Variants in CD276 observed in about 807,000 individuals in gnomAD.
CD276 encodes the protein CD276 molecule, also known as CD276 antigen.
Under a neutral mutation model 50.0 loss-of-function variants are expected in CD276, and 34 were observed. The ratio of observed to expected loss-of-function variants is 0.68; its 90% CI spans 0.52 to 0.91. The LOEUF is 0.91. CD276 is among the 40% of genes least tolerant of loss of function. The pLI is 0.00. For missense variants in CD276, 634 were observed against 717.5 expected (o/e 0.88, Z 1.33); for synonymous variants, 275 against 313.0 (o/e 0.88, Z 1.28).
Position 73,707,432 on chromosome 15 carries a change from C to T in CD276, c.1370-907C>T, listed in dbSNP as rs79124477. 2.6e-5 allele frequency among the ~76,000 whole-genome samples: 4 copies of T among 152,198 alleles called. No homozygotes were observed. In the East Asian group the frequency reaches 5.8e-4, roughly 22 times the overall value. The stretch of plus-strand genomic sequence containing the variant: ...CTCAACTTCATCCCTCTTGACGTGA[C>T]AGCTCTAAGAGGAGGGGCCTCAGTG... On this transcript the variant is annotated intron_variant, in intron 6 of 9. Transcript: ENST00000318443.
intron 4 of CD276, 93 bp downstream of exon 4, chr15:73,703,179 C>A: frequency 7.1e-7 from 1 of 1,399,442 alleles, no homozygotes; most frequent in Non-Finnish European, 9.7e-7. Context: ...CTTCAATCTC[C>A]CAGAACAGCA....
intron 1 of CD276, among the ~76,000 whole-genome samples, chr15:73,689,230 A>G (rs928701636): frequency 3.7e-5 from 4 of 108,414 alleles, no homozygotes; most frequent in African/African-American, 1.1e-4. Context: ...GTGTGTGTGT[A>G]CACATTTCCA....
chr15:73,684,688 GC>G (rs1407099575), intron 1 of CD276: 6 of 152,194 alleles, frequency 3.9e-5, no homozygotes, highest in African/African-American at 1.4e-4. Flanking sequence ...GGGCTGTGGG[GC>G]CCGCGGAGAG....
rs769630582 is a variant in CD276 at position 73,702,590 on chromosome 15, G to A, written c.415G>A (p.Ala139Thr). The A allele has an allele frequency of 2.5e-6, 4 of 1,605,424 alleles. No homozygotes were observed. The African/African-American group carries it at 5.3e-5, about 21-fold the overall frequency. Residue 139 changes from alanine (A) to threonine (T), a missense_variant, in exon 3 of 10, where the codon GCC becomes ACC. By Grantham distance (58) the Ala-to-Thr change is moderately conservative (BLOSUM62 0). Transcript: ENST00000318443. ...CAGCGCTGCCGTCAGCCTGCAGGTG[G>A]CCGGTGAGCACCAGGAGGGGGACGC... Reference protein sequence around the residue: ...FGSAAVSLQVAAPYSKPSMTL... With the variant: ...FGSAAVSLQVTAPYSKPSMTL...
At position 73,687,288 on chromosome 15, in the gene CD276, G is replaced by C. The variant is rs1390457702; in HGVS notation, c.-55+2828G>C. ...CATGTAATCCTCATAGTAATCCTAT[G>C]AGGTAGGGTATCATTAACACCATTG... On this transcript the variant is annotated intron_variant, in intron 1 of 9. Coordinates refer to ENST00000318443, the MANE Select transcript of CD276 (RefSeq NM_001024736.2). This position sits in a 1 kb window ranked among gnomAD's most constrained non-coding sequence, Gnocchi z 4.0. 6.6e-6 allele frequency among the ~76,000 whole-genome samples: 1 copy of C among 152,112 alleles called. No homozygotes were observed. Among genetic ancestry groups the C allele is most frequent in the Admixed American group, 6.5e-5 (1 of 15,270 alleles).
intron 1 of CD276, among the ~76,000 whole-genome samples, chr15:73,686,679 G>GT (rs1899780520): frequency 6.6e-6 from 1 of 152,150 alleles, no homozygotes; most frequent in Non-Finnish European, 1.5e-5. Flanking sequence ...CAGAGATGCA[G>GT]TGTGATAAGA....
At position 73,711,180 on chromosome 15, in the gene CD276, C is replaced by T. The variant is rs1180670879; in HGVS notation, c.1582+10C>T. ...TCTGACAGCAAAGAAGGTAAAGACA[C>T]CTGGGCTTGAGGTTGTGTCTGTGTA... On this transcript the variant is annotated intron_variant, in intron 9 of 9. Transcript: ENST00000318443. 1.2e-6 allele frequency: 2 copies of T among 1,613,778 alleles called. No homozygotes were observed. The highest frequency in any genetic ancestry group is 2.2e-5 in the South Asian group (2 of 91,078).
intron 1 of CD276, among the ~76,000 whole-genome samples, chr15:73,696,206 C>G (rs28407274): frequency 0.049 from 7,513 of 152,170 alleles, 638 homozygotes; most frequent in African/African-American, 0.17. Context: ...CTCACCGGGA[C>G]GGGTGGCACA....
chr15:73,688,577 T>C (rs1428495784), intron 1 of CD276, among the ~76,000 whole-genome samples: 1 of 152,024 alleles, frequency 6.6e-6, no homozygotes, highest in East Asian at 1.9e-4. Flanking sequence ...ATTCAATAAG[T>C]GAGGAAGAGA....
chr15:73,709,063 G>A (rs1470875968), intron 7 of CD276, among the ~76,000 whole-genome samples: 2 of 152,214 alleles, frequency 1.3e-5, no homozygotes, highest in Non-Finnish European at 2.9e-5. Context: ...TGGAGGTTGG[G>A]AAGGAGAGGG....
chr15:73,710,214 A>G (rs1422816927), intron 8 of CD276, among the ~76,000 whole-genome samples: 2 of 152,226 alleles, frequency 1.3e-5, no homozygotes, highest in Non-Finnish European at 2.9e-5. Flanking sequence ...CTGGAGTCCT[A>G]TTACTATTAG....
At chr15:73,708,795 T>G (rs1446087277) in intron 7 of CD276, 2 of 380,698 alleles carry the variant, frequency 5.3e-6, no homozygotes, top group Non-Finnish European at 9.9e-6. Flanking sequence ...GTCAGTCACG[T>G]GTGTGTGAGA....
At position 73,704,383 on chromosome 15, in the gene CD276, G is replaced by A. The variant is rs139333549; in HGVS notation, c.1280G>A (p.Arg427Gln). The change falls in exon 6 of 10, where the codon CGG becomes CAG. Residue 427 changes from arginine (R) to glutamine (Q), a missense_variant. Coordinates refer to ENST00000318443, the MANE Select transcript of CD276 (RefSeq NM_001024736.2). The surrounding 1 kb of genome is among the most constrained non-coding windows in gnomAD (Gnocchi z 4.1). ...TTGTTTGATGTGCACAGCGTCCTGCGGGTGGTGCTGGGTGCGAATGGCACC... is the reference window on the plus strand; with the variant it reads ...TTGTTTGATGTGCACAGCGTCCTGCAGGTGGTGCTGGGTGCGAATGGCACC... ...QGLFDVHSVL[R>Q]VVLGANGTYS... 7 of 1,614,118 alleles carry A rather than the reference G, an allele frequency of 4.3e-6. No homozygotes were observed. In the Admixed American group the frequency reaches 5.0e-5, roughly 12 times the overall value.
rs1901030297 is a variant in CD276, at chr15:73,714,121, C to T, written c.*1165C>T. 3.6e-6 allele frequency: 1 copy of T among 279,566 alleles called. No individual in the cohort carries two copies. The highest frequency in any genetic ancestry group is 6.8e-6 in the Non-Finnish European group (1 of 147,598). The allele number at this position is 279,566 out of a possible 1,614,324, so 17.3% of individuals were successfully genotyped here. On this transcript the variant is annotated 3_prime_UTR_variant, in exon 10 of 10. Coordinates refer to ENST00000318443, the MANE Select transcript of CD276 (RefSeq NM_001024736.2). ...AAACCTGGAGAGAGGGACATAGCCC[C>T]TCGCCACGGCTAGAGAATCTGGTGG...
intron 1 of CD276, among the ~76,000 whole-genome samples, chr15:73,695,928 C>T (rs771564036): frequency 7.2e-5 from 11 of 152,206 alleles, no homozygotes; most frequent in Non-Finnish European, 1.3e-4. Context: ...GGCAAGGAGA[C>T]CCTCTTGGGC....
chr15:73,686,803 A>G (rs528685303), intron 1 of CD276, among the ~76,000 whole-genome samples: 1 of 152,278 alleles, frequency 6.6e-6, no homozygotes, highest in South Asian at 2.1e-4. Context: ...GTGCAGAAAA[A>G]TGACCAAATC....
At chr15:73,684,729 C>T (rs540794958) in intron 1 of CD276, 6 of 152,354 alleles carry the variant, frequency 3.9e-5, no homozygotes, top group Admixed American at 2.6e-4. Context: ...ACCCCGCCCC[C>T]CTTTCCTCGG....
intron 1 of CD276, among the ~76,000 whole-genome samples, chr15:73,694,699 G>A (rs1470920606): frequency 6.6e-6 from 1 of 152,136 alleles, no homozygotes; most frequent in African/African-American, 2.4e-5. Flanking sequence ...AAAGGGAGGG[G>A]AGGGCATGCT....
chr15:73,699,944 T>C (rs964601430), intron 2 of CD276, among the ~76,000 whole-genome samples: 4 of 152,222 alleles, frequency 2.6e-5, no homozygotes, highest in Admixed American at 6.5e-5. Flanking sequence ...GTGCTATTTC[T>C]TGAATACACT....
Sources: gnomAD v4.1 joint callset for allele counts (sites outside exome capture counted in the v4.1 genomes callset) on GRCh38, gnomAD v4.1.1 for gene constraint, Gnocchi (gnomAD v3.1) non-coding constraint, MANE v1.5 for transcripts, NCBI Gene and HGNC (gene_info 2026-07-23, HGNC 2026-07-21) for gene names.